Variants in LRP1B observed in about 807,000 individuals in gnomAD.
LRP1B encodes the protein LDL receptor related protein 1B, also known as low-density lipoprotein receptor-related protein 1B.
A neutral mutation model predicts 556.6 loss-of-function variants in LRP1B; 217 were observed. The ratio of observed to expected loss-of-function variants is 0.39; its 90% confidence interval spans 0.35 to 0.44. LRP1B has a LOEUF of 0.44. Ranked by LOEUF, LRP1B falls within the 20% of genes least tolerant of loss-of-function variation. The pLI is 1.00. For missense variants in LRP1B, 5,053 were observed against 5,620.8 expected (o/e 0.90, Z 3.23); for synonymous variants, 2,047 against 1,865.8 (o/e 1.10, Z -2.50).
intron 7 of LRP1B, among the ~76,000 whole-genome samples, chr2:141,148,398 G>A (rs777146048): frequency 1.3e-5 from 2 of 152,138 alleles, no homozygotes; most frequent in South Asian, 2.1e-4. Context: ...AGAATCCTGG[G>A]GAATTAATCT....
At position 140,322,092 on chromosome 2, in the gene LRP1B, G is replaced by C. The variant is rs2105053744; in HGVS notation, c.12515-4C>G. 1.2e-6 allele frequency: 2 copies of C among 1,610,114 alleles called. No homozygotes were observed. Among genetic ancestry groups the C allele is most frequent in the Non-Finnish European group, 1.7e-6 (2 of 1,178,570 alleles). ...AAATCCAAGCATGGATTGGGTACTG[G>C]TGAAACAAAAGAAAACAAAGAAGTG... On this transcript the variant is annotated splice_polypyrimidine_tract_variant and splice_region_variant and intron_variant, in intron 81 of 90. Coordinates refer to ENST00000389484, the MANE Select transcript of LRP1B (RefSeq NM_018557.3).
intron 2 of LRP1B, among the ~76,000 whole-genome samples, chr2:141,517,797 G>A (rs1482074227): frequency 1.3e-5 from 2 of 152,114 alleles, no homozygotes; most frequent in Non-Finnish European, 2.9e-5. Context: ...TACTTCCTAA[G>A]ATATGACAGG....
intron 5 of LRP1B, among the ~76,000 whole-genome samples, chr2:141,230,586 T>C (rs1294165745): frequency 1.3e-5 from 2 of 152,204 alleles, no homozygotes; most frequent in African/African-American, 2.4e-5. Flanking sequence ...CTGATCTGTA[T>C]ATTAATTACT....
chr2:141,106,261 A>G (rs1700599742), intron 7 of LRP1B, among the ~76,000 whole-genome samples: 1 of 152,198 alleles, frequency 6.6e-6, no homozygotes, highest in South Asian at 2.1e-4. Flanking sequence ...AGTTTAGGGA[A>G]TAGAACAAAA....
intron 2 of LRP1B, among the ~76,000 whole-genome samples, chr2:141,701,386 A>G (rs1691933474): frequency 6.6e-6 from 1 of 151,890 alleles, no homozygotes; most frequent in East Asian, 1.9e-4. Context: ...TGTCTGTATG[A>G]TGGACTCCTA....
In LRP1B at chr2:142,112,281, G is replaced by A. The variant is rs189060294; in HGVS notation, c.82+18367C>T. 1.2e-4 allele frequency among the ~76,000 whole-genome samples: 19 copies of A among 152,082 alleles called. No homozygotes were observed. The East Asian group carries it at 3.7e-3, about 29-fold the overall frequency. On this transcript the variant is annotated intron_variant, in intron 1 of 90. Coordinates refer to ENST00000389484, the MANE Select transcript of LRP1B (RefSeq NM_018557.3). The stretch of plus-strand genomic sequence containing the variant: ...AAAGTCAGAGCAAATTCAGAACATT[G>A]AATATTCTATAAGTGACGGAATCAT...
intron 10 of LRP1B, among the ~76,000 whole-genome samples, chr2:141,052,791 C>T (rs1306678995): frequency 6.6e-6 from 1 of 151,976 alleles, no homozygotes; most frequent in East Asian, 1.9e-4. Flanking sequence ...GAGTGTGCCA[C>T]CATGCCTGTC....
At chr2:140,361,223 C>T (rs536518132) in intron 72 of LRP1B, among the ~76,000 whole-genome samples, 7 of 148,766 alleles carry the variant, frequency 4.7e-5, no homozygotes, top group East Asian at 2.0e-4. Flanking sequence ...TTTAGGTGAG[C>T]GAAACCACCT....
At chr2:140,464,078 C>T (rs879473601) in intron 60 of LRP1B, among the ~76,000 whole-genome samples, 10 of 152,028 alleles carry the variant, frequency 6.6e-5, no homozygotes, top group Non-Finnish European at 8.8e-5. Flanking sequence ...TGCCTGTAGT[C>T]CCAGCTACTC....
chr2:141,988,758 A>G (rs1702267961), intron 1 of LRP1B, among the ~76,000 whole-genome samples: 1 of 152,038 alleles, frequency 6.6e-6, no homozygotes, highest in African/African-American at 2.4e-5. Context: ...TTATAATCAT[A>G]TAATTTTACC....
chr2:141,131,168 T>TTA (rs765284101), intron 7 of LRP1B, among the ~76,000 whole-genome samples: 5,171 of 151,900 alleles, frequency 0.034, 32 homozygotes, highest in East Asian at 0.15. Flanking sequence ...GTACAGATAG[T>TTA]CTCCACTTAC....
chr2:141,826,485 G>A (rs970878119), intron 1 of LRP1B, among the ~76,000 whole-genome samples: 3 of 151,034 alleles, frequency 2.0e-5, no homozygotes, highest in African/African-American at 7.3e-5. Context: ...TCAGCCTCCG[G>A]AGTAGCTGGG....
chr2:141,943,112 A>C (rs1011297821), intron 1 of LRP1B, among the ~76,000 whole-genome samples: 1 of 152,220 alleles, frequency 6.6e-6, no homozygotes, highest in African/African-American at 2.4e-5. Context: ...CTTTGTAATG[A>C]AAATAAGTAG....
chr2:140,950,796 GATTT>G (rs763441324), intron 19 of LRP1B, among the ~76,000 whole-genome samples: 15 of 150,944 alleles, frequency 9.9e-5, no homozygotes, highest in Middle Eastern at 3.4e-3. Flanking sequence ...CCGGCCCTTT[GATTT>G]ATTTATTTAT....
At chr2:141,243,031 T>C (rs1042936171) in intron 5 of LRP1B, among the ~76,000 whole-genome samples, 1 of 152,260 alleles carries the variant, frequency 6.6e-6, no homozygotes, top group African/African-American at 2.4e-5. Context: ...TTTATTTTCA[T>C]ATTTGACAAG....
At chr2:141,813,205 A>G (rs1696415320) in intron 1 of LRP1B, among the ~76,000 whole-genome samples, 1 of 152,178 alleles carries the variant, frequency 6.6e-6, no homozygotes, top group African/African-American at 2.4e-5. Flanking sequence ...CATGGATCTT[A>G]CATTATAATG....
intron 35 of LRP1B, among the ~76,000 whole-genome samples, chr2:140,749,302 A>T (rs938525341): frequency 2.0e-5 from 3 of 152,090 alleles, no homozygotes; most frequent in East Asian, 1.9e-4. Context: ...TAAATTTATT[A>T]AAAAATCTTT....
intron 1 of LRP1B, among the ~76,000 whole-genome samples, chr2:142,033,903 C>T (rs1189839648): frequency 6.6e-6 from 1 of 151,710 alleles, no homozygotes; most frequent in East Asian, 1.9e-4. Flanking sequence ...CAATAGGCTG[C>T]CTTCACCTGA....
intron 2 of LRP1B, among the ~76,000 whole-genome samples, chr2:141,606,728 A>G (rs1372603369): frequency 6.6e-6 from 1 of 152,150 alleles, no homozygotes; most frequent in Non-Finnish European, 1.5e-5. Context: ...CCAAGGAGAG[A>G]GGCGTCAGGT....
Sources: gnomAD v4.1 joint callset for allele counts (sites outside exome capture counted in the v4.1 genomes callset) on GRCh38, gnomAD v4.1.1 for gene constraint, MANE v1.5 for transcripts, NCBI Gene and HGNC (gene_info 2026-07-23, HGNC 2026-07-21) for gene names.